OTOG: variants seen among roughly 807,000 people sequenced by gnomAD.
The protein encoded by OTOG is otogelin.
In OTOG, 296 loss-of-function variants were observed where a neutral mutation model predicts 313.8. The ratio of observed to expected loss-of-function variants is 0.94; its 90% confidence interval spans 0.86 to 1.04. The LOEUF (loss-of-function observed/expected upper bound fraction) is 1.04, where lower values mean the gene tolerates loss of function less well. OTOG is among the 50% of genes least tolerant of loss of function. The pLI is 0.00. For missense variants in OTOG, 3,948 were observed against 3,840.1 expected (o/e 1.03, Z -0.74); for synonymous variants, 1,533 against 1,554.9 (o/e 0.99, Z 0.33).
chr11:17,612,437 C>A, intron 37 of OTOG, 107 bp downstream of exon 37: 2 of 1,418,784 alleles, frequency 1.4e-6, no homozygotes, highest in Non-Finnish European at 1.9e-6. Context: ...TGTGGGACCC[C>A]GACCTGGCAG....
chr11:17,548,808 C>T (rs2133991433), intron 3 of OTOG, among the ~76,000 whole-genome samples: 1 of 152,158 alleles, frequency 6.6e-6, no homozygotes, highest in South Asian at 2.1e-4. Flanking sequence ...GCCTCAACTT[C>T]CTGGGCTCAA....
chr11:17,602,326 G>A lies in OTOG; in HGVS notation c.3826G>A (p.Asp1276Asn). ...GAGGACAGAGGATGTGGCGCCAGCA[G>A]ACATTGTGAGCTTCCTGCTGACAGC... ...LVRTEDVAPA[D>N]IVSFLLTAAL... The change falls in exon 32 of 56, where the codon GAC becomes AAC. Residue 1276 changes from aspartate to asparagine, a missense_variant. By Grantham distance (23) the Asp-to-Asn change is conservative (BLOSUM62 1). Transcript: ENST00000399397. 6.4e-7 allele frequency: 1 copy of A among 1,550,584 alleles called. No homozygotes were observed. Among genetic ancestry groups the A allele is most frequent in the Non-Finnish European group, 8.7e-7 (1 of 1,146,974 alleles).
intron 15 of OTOG, among the ~76,000 whole-genome samples, chr11:17,568,130 A>G (rs577633714): frequency 6.6e-6 from 1 of 151,910 alleles, no homozygotes; most frequent in East Asian, 1.9e-4. Context: ...GATGGTCTCG[A>G]TCTCCTGACC....
At chr11:17,590,671 A>G (rs1852909863) in intron 24 of OTOG, among the ~76,000 whole-genome samples, 1 of 152,152 alleles carries the variant, frequency 6.6e-6, no homozygotes, top group Non-Finnish European at 1.5e-5. Flanking sequence ...TAACCTTCCT[A>G]CAGTGGCCTT....
rs1243260921 is a variant in OTOG at position 17,561,803 on chromosome 11, G to A, written c.1640G>A (p.Gly547Asp). 1.3e-6 allele frequency: 2 copies of A among 1,550,244 alleles called. No individual in the cohort carries two copies. Among genetic ancestry groups the A allele is most frequent in the East Asian group, 2.4e-5 (1 of 40,908 alleles). The part of the protein sequence containing the change: ...FTVTLQNAPC[G>D]LNQDGACVQS... ...GTGACATTGCAGAATGCCCCATGTGGCCTGGTAAGAGCTGGGGATCCCCAG... is the reference window on the plus strand; with the variant it reads ...GTGACATTGCAGAATGCCCCATGTGACCTGGTAAGAGCTGGGGATCCCCAG... The change falls in exon 15 of 56, where the codon GGC becomes GAC. Residue 547 changes from glycine to aspartate, a missense_variant. Transcript: ENST00000399397.
chr11:17,613,211 C>CTTTCT (rs1853623265), intron 38 of OTOG, among the ~76,000 whole-genome samples: 2 of 117,882 alleles, frequency 1.7e-5, no homozygotes, highest in Non-Finnish European at 3.4e-5. Context: ...TTCTTTCTTT[C>CTTTCT]TTTCTTTCTT....
rs1341241568 is a variant in OTOG, at chr11:17,578,434, G to T, written c.2667G>T (p.Glu889Asp). 1.3e-6 allele frequency: 2 copies of T among 1,541,670 alleles called. No homozygotes were observed. The highest frequency in any genetic ancestry group is 2.4e-5 in the East Asian group (1 of 40,906). ...VNCSDLHTDL[E>D]LSRERTCEQQ... Reference sequence around the variant, plus strand: ...GCAGCGACCTGCACACGGACCTGGAGCTGAGCAGGGAGAGGACGTGTGAGC... The same window carrying T: ...GCAGCGACCTGCACACGGACCTGGATCTGAGCAGGGAGAGGACGTGTGAGC... Residue 889 changes from glutamate to aspartate, a missense_variant, in exon 23 of 56, where the codon GAG becomes GAT. By Grantham distance (45) the Glu-to-Asp change is conservative. Coordinates refer to ENST00000399397, the MANE Select transcript of OTOG (RefSeq NM_001292063.2).
At chr11:17,570,726 G>A in intron 17 of OTOG, 1 of 202,588 alleles carries the variant, frequency 4.9e-6, no homozygotes, top group East Asian at 1.2e-4. Context: ...GAGAAATGCT[G>A]TTTTAGAATG....
rs1565101202 is a variant in OTOG at position 17,578,408 on chromosome 11, T to A, written c.2641T>A (p.Cys881Ser). The A allele has an allele frequency of 5.9e-6, 9 of 1,537,540 alleles. No individual in the cohort carries two copies. The Admixed American group carries it at 9.9e-5, about 17-fold the overall frequency. Residue 881 changes from cysteine (C) to serine (S), a missense_variant, in exon 23 of 56, where the codon TGC becomes AGC. Physicochemically the swap from Cys to Ser is moderately radical, Grantham distance 112. Transcript: ENST00000399397. Reference protein sequence around the residue: ...ACPAGQVFVNCSDLHTDLELS... With the variant: ...ACPAGQVFVNSSDLHTDLELS... ...CCCAGCAGGCCAGGTCTTCGTGAAC[T>A]GCAGCGACCTGCACACGGACCTGGA...
In OTOG at chr11:17,577,137, A is replaced by G. The variant is rs1852547934; in HGVS notation, c.2605+226A>G. ...TAGTGGCTGTCTCTGCTGCCTGCAG[A>G]GGAGAGGCTGAGACTTTGTCTTCCT... On this transcript the variant is annotated intron_variant, in intron 22 of 55. Transcript: ENST00000399397. Among the ~76,000 whole-genome samples, 5 of 152,312 alleles carry G rather than the reference A, an allele frequency of 3.3e-5. 1 individual carries two copies. The South Asian group carries it at 1.0e-3, about 32-fold the overall frequency.
At chr11:17,608,225 C>T in intron 33 of OTOG, 71 bp from the exon 34 acceptor site, 1 of 1,034,190 alleles carries the variant, frequency 9.7e-7, no homozygotes, top group Non-Finnish European at 1.4e-6. Flanking sequence ...GGATGGGGGG[C>T]AGGGCTGAGC....
At chr11:17,611,959 A>T (rs1853561489) in intron 36 of OTOG, among the ~76,000 whole-genome samples, 1 of 152,082 alleles carries the variant, frequency 6.6e-6, no homozygotes, top group African/African-American at 2.4e-5. Context: ...CTCAGGGAAT[A>T]GGTCCCTGAC....
At chr11:17,618,091 C>T (rs867792431) in intron 39 of OTOG, among the ~76,000 whole-genome samples, 19 of 151,968 alleles carry the variant, frequency 1.3e-4, no homozygotes, top group African/African-American at 4.6e-4. Flanking sequence ...TTAGTAGAGA[C>T]GGGGTTTCAC....
At chr11:17,566,083 T>G (rs2134017098) in intron 15 of OTOG, among the ~76,000 whole-genome samples, 1 of 152,236 alleles carries the variant, frequency 6.6e-6, no homozygotes, top group South Asian at 2.1e-4. Flanking sequence ...ATACCCTTAT[T>G]ATCTGTGGGG....
At chr11:17,637,279 T>G (rs780762547) in intron 47 of OTOG, among the ~76,000 whole-genome samples, 1 of 152,174 alleles carries the variant, frequency 6.6e-6, no homozygotes, top group Non-Finnish European at 1.5e-5. Context: ...CTTTCCATGT[T>G]AATACATTTT....
Position 17,629,128 on chromosome 11 carries a change from C to G in OTOG, c.6529-5C>G. ...AGCTGTGCTCACACTGAATTCCCTC[C>G]CAAGGTGACTGTGGACTTGCAGCCT... On this transcript the variant is annotated splice_polypyrimidine_tract_variant and splice_region_variant and intron_variant, in intron 39 of 55. Transcript: ENST00000399397. 6.5e-7 allele frequency: 1 copy of G among 1,549,644 alleles called. No homozygotes were observed. Among genetic ancestry groups the G allele is most frequent in the Non-Finnish European group, 8.7e-7 (1 of 1,146,528 alleles).
chr11:17,556,766 A>T (rs1852064773), intron 7 of OTOG, among the ~76,000 whole-genome samples: 1 of 151,576 alleles, frequency 6.6e-6, no homozygotes, highest in East Asian at 1.9e-4. Context: ...CTTTTCTTGC[A>T]CTCCCAGTTT....
intron 54 of OTOG, 41 bp downstream of exon 54, chr11:17,643,547 A>T: frequency 2.4e-6 from 3 of 1,261,386 alleles, no homozygotes; most frequent in Non-Finnish European, 3.1e-6. Flanking sequence ...GGGGGCTCTG[A>T]TGGGGGCACA....
At position 17,645,816 on chromosome 11, in the gene OTOG, C is replaced by T. The variant is rs911676421; in HGVS notation, c.8614C>T (p.Arg2872Ter). The T allele has an allele frequency of 3.2e-6, 5 of 1,550,944 alleles. No individual in the cohort carries two copies. Among genetic ancestry groups the T allele is most frequent in the African/African-American group, 2.7e-5 (2 of 73,062 alleles). ...IYNYNINTYA[R>*]FCKCCREVGL... Reference sequence around the variant, plus strand: ...CAACTACAACATCAACACCTATGCCCGATTCTGCAAGTGCTGCCGTGAGGT... The same window carrying T: ...CAACTACAACATCAACACCTATGCCTGATTCTGCAAGTGCTGCCGTGAGGT... The change falls in exon 56 of 56, where the codon CGA becomes TGA. Residue 2872 changes from arginine (R) to a stop codon, truncating the protein, a stop_gained. Coordinates refer to ENST00000399397, the MANE Select transcript of OTOG (RefSeq NM_001292063.2). LOFTEE classifies it high-confidence loss of function.
Sources: gnomAD v4.1 joint callset for allele counts (sites outside exome capture counted in the v4.1 genomes callset) on GRCh38, gnomAD v4.1.1 for gene constraint, MANE v1.5 for transcripts, NCBI Gene and HGNC (gene_info 2026-07-23, HGNC 2026-07-21) for gene names.